DEGS2: variants seen among roughly 807,000 people sequenced by gnomAD.
DEGS2 encodes the protein delta 4-desaturase, sphingolipid 2, also known as sphingolipid delta(4)-desaturase/C4-monooxygenase DES2.
Under a neutral mutation model 23.8 loss-of-function variants are expected in DEGS2, and 19 were observed. That is an observed-to-expected ratio of 0.80 (90% CI 0.56 to 1.17). DEGS2 has a LOEUF of 1.17. DEGS2 is among the 50% of genes most tolerant of loss of function. DEGS2 has a pLI of 0.00. For missense variants in DEGS2, 390 were observed against 459.5 expected, an observed-to-expected ratio of 0.85 and a Z score of 1.38; for synonymous variants, 218 against 213.7, an observed-to-expected ratio of 1.02 and a Z score of -0.18.
the DEGS2 span, among the ~76,000 whole-genome samples, chr14:100,164,818 C>T: frequency 2.0e-5 from 3 of 152,090 alleles, no homozygotes; most frequent in Non-Finnish European, 4.4e-5. Context: ...GGGTCTATAC[C>T]CAGGAGTAGT....
chr14:100,149,264 C>G lies in DEGS2; in HGVS notation c.529G>C (p.Val177Leu). The G allele has an allele frequency of 6.2e-7, 1 of 1,612,856 alleles. No individual in the cohort carries two copies. Among genetic ancestry groups the G allele is most frequent in the Non-Finnish European group, 8.5e-7 (1 of 1,179,910 alleles). Reference sequence around the variant, plus strand: ...ATGCGGGTCACGGCCTTGGGGTGGACGCAGAGCGGCCGTAGTGAGTAGAAG... The same window carrying G: ...ATGCGGGTCACGGCCTTGGGGTGGAGGCAGAGCGGCCGTAGTGAGTAGAAG... ...PFFYSLRPLC[V>L]HPKAVTRMEV... Residue 177 changes from valine (V) to leucine (L), a missense_variant, in exon 2 of 3, where the codon GTC (valine) becomes CTC (leucine). Transcript: ENST00000305631.
the DEGS2 span, among the ~76,000 whole-genome samples, chr14:100,166,662 G>C: frequency 6.6e-6 from 1 of 152,136 alleles, no homozygotes; most frequent in Non-Finnish European, 1.5e-5. Context: ...CTCCCGCAGC[G>C]GCTGCAGAGC....
At position 100,149,481 on chromosome 14, in the gene DEGS2, G is replaced by A. The variant is rs1566741006; in HGVS notation, c.312C>T (p.Arg104=). The change falls in exon 2 of 3, where the codon CGC becomes CGT. Residue 104 remains arginine (R), a synonymous_variant. Coordinates refer to ENST00000305631, the MANE Select transcript of DEGS2 (RefSeq NM_206918.3). ...NAAFGTGRAA[R]NRWLAVFANL... The stretch of plus-strand genomic sequence containing the variant: ...TGGCGAACACGGCCAGCCAGCGGTT[G>A]CGTGCCGCACGGCCCGTGCCGAAGG... The A allele has an allele frequency of 6.3e-7, 1 of 1,596,988 alleles. No homozygotes were observed. The highest frequency in any genetic ancestry group is 2.3e-5 in the East Asian group (1 of 44,352).
the DEGS2 span, among the ~76,000 whole-genome samples, chr14:100,166,655 C>G: frequency 6.6e-6 from 1 of 152,118 alleles, no homozygotes; most frequent in Non-Finnish European, 1.5e-5. Flanking sequence ...GGTCATTCTC[C>G]CGCAGCGGCT....
chr14:100,159,776 A>G (rs1889722710), upstream of DEGS2: 2 of 338,460 alleles, frequency 5.9e-6, no homozygotes, highest in Admixed American at 4.9e-5. Context: ...CGCTCTCCAG[A>G]CCCCGGCGGG....
the DEGS2 span, among the ~76,000 whole-genome samples, chr14:100,164,820 A>G: frequency 6.6e-6 from 1 of 152,320 alleles, no homozygotes; most frequent in Admixed American, 6.5e-5. Context: ...GTCTATACCC[A>G]GGAGTAGTGA....
At chr14:100,154,450 T>C (rs1889626274) in intron 1 of DEGS2, among the ~76,000 whole-genome samples, 1 of 152,036 alleles carries the variant, frequency 6.6e-6, no homozygotes, top group Non-Finnish European at 1.5e-5. Context: ...TCTGGACCTG[T>C]CTCCTCAGTC....
intron 1 of DEGS2, among the ~76,000 whole-genome samples, chr14:100,154,205 A>G (rs557548507): frequency 6.6e-6 from 1 of 152,294 alleles, no homozygotes. Flanking sequence ...TCTCTACTAA[A>G]AATACAAAAA....
At chr14:100,162,409 A>G (rs974530290), upstream of DEGS2, among the ~76,000 whole-genome samples, 2 of 151,768 alleles carry the variant, frequency 1.3e-5, no homozygotes, top group Admixed American at 1.3e-4. Context: ...AATGAAGTTT[A>G]TTAGGCCAGG....
rs373250680 is a variant in DEGS2, at chr14:100,149,409, G to A, written c.384C>T (p.His128=). 5.1e-5 allele frequency: 82 copies of A among 1,603,012 alleles called. No homozygotes were observed. Among genetic ancestry groups the A allele is most frequent in the Middle Eastern group, 1.7e-4 (1 of 6,054 alleles). Residue 128 remains histidine (H), a synonymous_variant, in exon 2 of 3, where the codon CAC becomes CAT. Transcript: ENST00000305631. The stretch of plus-strand genomic sequence containing the variant: ...CGCCCAGGTAGCGGTGGTGGTCCAC[G>A]TGGTACTTCTTGAAGGAGGCGGCGT... The part of the protein sequence containing the change: ...VPYAASFKKY[H]VDHHRYLGGD...
chr14:100,157,585 C>T (rs1889678124), intron 1 of DEGS2, among the ~76,000 whole-genome samples: 1 of 152,218 alleles, frequency 6.6e-6, no homozygotes, highest in East Asian at 1.9e-4. Context: ...GAGGCAGCTA[C>T]CACTGCTGGG....
chr14:100,158,653 C>A (rs990435098), intron 1 of DEGS2, among the ~76,000 whole-genome samples: 1 of 143,112 alleles, frequency 7.0e-6, no homozygotes, highest in African/African-American at 2.6e-5. Context: ...CTGAAGATTA[C>A]AAAGTGTGGC....
At position 100,149,358 on chromosome 14, in the gene DEGS2, G is replaced by T; in HGVS notation, c.435C>A (p.Pro145=). ...LGGDGLDVDV[P]TRLEGWFFCT... is the part of the protein sequence containing the mutation. ...AGAAGAACCAGCCCTCCAGACGCGT[G>T]GGCACGTCCACGTCCAGCCCGTCGC... Residue 145 remains proline, a synonymous_variant, in exon 2 of 3, where the codon CCC becomes CCA. Transcript: ENST00000305631. 1 of 1,608,866 alleles carries T rather than the reference G, an allele frequency of 6.2e-7. No homozygotes were observed. The highest frequency in any genetic ancestry group is 1.1e-5 in the South Asian group (1 of 90,602).
intron 1 of DEGS2, 34 bp from the exon 2 acceptor site, chr14:100,149,744 T>C (rs761613764): frequency 6.4e-7 from 1 of 1,556,364 alleles, no homozygotes. Flanking sequence ...GAGGCCCCGC[T>C]CGGTGGGGCT....
intron 1 of DEGS2, among the ~76,000 whole-genome samples, chr14:100,153,605 T>C (rs1401737348): frequency 6.6e-6 from 1 of 152,214 alleles, no homozygotes; most frequent in Admixed American, 6.5e-5. Context: ...GGGAACTCTG[T>C]CCTGCTGTGG....
At position 100,146,791 on chromosome 14, in the gene DEGS2, C is replaced by G. The variant is rs1404154734; in HGVS notation, c.942G>C (p.Arg314=). 8.1e-6 allele frequency: 13 copies of G among 1,613,834 alleles called. No individual in the cohort carries two copies. The highest frequency in any genetic ancestry group is 1.1e-5 in the Non-Finnish European group (13 of 1,179,914). The change falls in exon 3 of 3, where the codon CGG becomes CGC. Residue 314 remains arginine, a synonymous_variant. Transcript: ENST00000305631. ...DSLGPYARVK[R]VYRLAKDGL is the part of the protein sequence containing the mutation. Reference sequence around the variant, plus strand: ...GACCATCTTTTGCCAGCCTGTACACCCGCTTCACCCTGGCATAGGGCCCCA... The same window carrying G: ...GACCATCTTTTGCCAGCCTGTACACGCGCTTCACCCTGGCATAGGGCCCCA...
chr14:100,166,716 G>A, the DEGS2 span, among the ~76,000 whole-genome samples: 7 of 152,142 alleles, frequency 4.6e-5, no homozygotes. Context: ...AGGGCCATGA[G>A]GGGTCAGCAG....
At position 100,144,104 on chromosome 14, in the gene DEGS2, C is replaced by A; in HGVS notation, c.*2657G>T. ...CGCCTCAGCTGGCGGTGACAGCCGGCCCAGCGTGGCGCCACCACACACCGC... is the reference window on the plus strand; with the variant it reads ...CGCCTCAGCTGGCGGTGACAGCCGGACCAGCGTGGCGCCACCACACACCGC... On this transcript the variant is annotated 3_prime_UTR_variant, in exon 3 of 3. Transcript: ENST00000305631. 3.1e-6 allele frequency: 1 copy of A among 327,150 alleles called. No homozygotes were observed. The highest frequency in any genetic ancestry group is 5.7e-6 in the Non-Finnish European group (1 of 174,706). 20.3% of individuals were successfully genotyped at this position (327,150 alleles called of 1,614,324 possible). A position where few individuals can be genotyped will look rare whatever the true frequency, so the allele number is the denominator to read the frequency against.
rs1251279950 is a variant in DEGS2 at position 100,146,621 on chromosome 14, A to T, written c.*140T>A. 8.8e-6 allele frequency: 11 copies of T among 1,245,014 alleles called. No individual in the cohort carries two copies. In the East Asian group the frequency reaches 2.4e-4, roughly 27 times the overall value. 77.1% of individuals were successfully genotyped at this position (1,245,014 alleles called of 1,614,324 possible). A position where few individuals can be genotyped will look rare whatever the true frequency, so the allele number is the denominator to read the frequency against. On this transcript the variant is annotated 3_prime_UTR_variant, in exon 3 of 3. Transcript: ENST00000305631. ...CCCTGCAGCCCACACTGCTGTTGCC[A>T]GGTGTGGCTGCGCGGGACACTCCTC... is the stretch of plus-strand genomic sequence containing the variant.
Sources: allele counts gnomAD v4.1 joint callset (sites outside exome capture counted in the v4.1 genomes callset), GRCh38; gene constraint gnomAD v4.1.1; transcripts MANE v1.5; gene names NCBI Gene and HGNC (gene_info 2026-07-23, HGNC 2026-07-21).